Variants in NKAIN2 observed in about 807,000 individuals in gnomAD.
NKAIN2 encodes sodium/potassium-transporting ATPase subunit beta-1-interacting protein 2.
A neutral mutation model predicts 32.6 loss-of-function variants in NKAIN2; 14 were observed. That is an observed-to-expected ratio of 0.43 (90% CI 0.28 to 0.67). The LOEUF is 0.67. NKAIN2 is among the 30% of genes least tolerant of loss of function. The probability of loss-of-function intolerance (pLI) is 0.17; values close to 1 mark genes in which losing one functional copy is unlikely to be tolerated. For missense variants in NKAIN2, 198 were observed against 258.3 expected (o/e 0.77, Z 1.60); for synonymous variants, 80 against 87.2 (o/e 0.92, Z 0.46).
At chr6:123,818,213 C>A (rs1172384841) in intron 1 of NKAIN2, among the ~76,000 whole-genome samples, 2 of 152,012 alleles carry the variant, frequency 1.3e-5, no homozygotes, top group Admixed American at 1.3e-4. Context: ...AGGACAAACA[C>A]GTATTTCTGA....
intron 1 of NKAIN2, among the ~76,000 whole-genome samples, chr6:123,936,000 G>A (rs561104336): frequency 6.6e-6 from 1 of 152,244 alleles, no homozygotes; most frequent in South Asian, 2.1e-4. Context: ...TGACATTTCT[G>A]CACTTGAACA....
chr6:124,686,115 T>C lies in NKAIN2; in HGVS notation c.474+27729T>C, dbSNP rs370904541. Among the ~76,000 whole-genome samples the C allele has an allele frequency of 2.0e-3, 306 of 152,168 alleles. 2 individuals carry two copies. Among genetic ancestry groups the C allele is most frequent in the Middle Eastern group, 0.01 (3 of 294 alleles). On this transcript the variant is annotated intron_variant, in intron 4 of 6. Coordinates refer to ENST00000368417, the MANE Select transcript of NKAIN2 (RefSeq NM_001040214.3). ...TGGTTGGCTGTCAACCAGCAGACTC[T>C]TTCAGCTCCTATAGGCTGCCTGTAG...
chr6:124,470,536 G>A (rs188495598), intron 3 of NKAIN2, among the ~76,000 whole-genome samples: 1 of 152,142 alleles, frequency 6.6e-6, no homozygotes, highest in East Asian at 1.9e-4. Context: ...ACAATTAGGT[G>A]AATGTATTGA....
At chr6:124,278,913 A>G (rs1015248670) in intron 1 of NKAIN2, among the ~76,000 whole-genome samples, 10 of 151,928 alleles carry the variant, frequency 6.6e-5, no homozygotes, top group South Asian at 2.1e-4. Flanking sequence ...TTAAAATGCA[A>G]TGCCTTAATA....
In NKAIN2 at chr6:124,099,198, GTTGA is replaced by G. The variant is rs1374437012; in HGVS notation, c.55-183804_55-183801del. The stretch of plus-strand genomic sequence containing the variant: ...TATGGTTATAGGAATAAGATAATTG[GTTGA>G]TTATCTAATATATGGCATGCCCTTT... On this transcript the variant is annotated intron_variant, in intron 1 of 6. Transcript: ENST00000368417. Among the ~76,000 whole-genome samples the G allele has an allele frequency of 9.2e-5, 14 of 152,258 alleles. No individual in the cohort carries two copies. The South Asian group carries it at 2.7e-3, about 29-fold the overall frequency.
chr6:124,719,642 A>G (rs1327234464), intron 4 of NKAIN2, among the ~76,000 whole-genome samples: 1 of 151,914 alleles, frequency 6.6e-6, no homozygotes, highest in African/African-American at 2.4e-5. Flanking sequence ...TCTGTACCCT[A>G]AACAGCTTTC....
chr6:124,305,356 A>G (rs893123846), intron 2 of NKAIN2, among the ~76,000 whole-genome samples: 1 of 152,154 alleles, frequency 6.6e-6, no homozygotes, highest in East Asian at 1.9e-4. Context: ...GGTCTTGAGA[A>G]TGTAAAGAAG....
At chr6:123,882,786 A>G (rs902735179) in intron 1 of NKAIN2, among the ~76,000 whole-genome samples, 1 of 152,196 alleles carries the variant, frequency 6.6e-6, no homozygotes, top group Non-Finnish European at 1.5e-5. Context: ...CCAGAACCTT[A>G]TAAAAGTTGA....
At chr6:124,399,271 A>G (rs1266259497) in intron 3 of NKAIN2, among the ~76,000 whole-genome samples, 1 of 152,064 alleles carries the variant, frequency 6.6e-6, no homozygotes, top group Non-Finnish European at 1.5e-5. Flanking sequence ...ACTTATTTTC[A>G]AGTTTATGAT....
chr6:123,897,703 T>C (rs1774351367), intron 1 of NKAIN2, among the ~76,000 whole-genome samples: 1 of 152,070 alleles, frequency 6.6e-6, no homozygotes, highest in Non-Finnish European at 1.5e-5. Context: ...TCCTGCTTAC[T>C]ACCAAGCAAT....
intron 1 of NKAIN2, among the ~76,000 whole-genome samples, chr6:123,971,369 C>T (rs892864032): frequency 6.6e-6 from 1 of 151,680 alleles, no homozygotes; most frequent in Non-Finnish European, 1.5e-5. Flanking sequence ...GTAATTATAA[C>T]TGCCTTGTAT....
At chr6:124,758,846 G>A (rs1214680642) in intron 4 of NKAIN2, among the ~76,000 whole-genome samples, 1 of 152,044 alleles carries the variant, frequency 6.6e-6, no homozygotes, top group Non-Finnish European at 1.5e-5. Context: ...TCTATTCTCT[G>A]ACATAAACCC....
chr6:124,394,794 A>T (rs796592397), intron 3 of NKAIN2, among the ~76,000 whole-genome samples: 9 of 152,304 alleles, frequency 5.9e-5, no homozygotes, highest in African/African-American at 2.2e-4. Flanking sequence ...CTATGAATTC[A>T]AATGCTAATC....
intron 3 of NKAIN2, among the ~76,000 whole-genome samples, chr6:124,400,247 T>C: frequency 6.6e-6 from 1 of 151,938 alleles, no homozygotes; most frequent in South Asian, 2.1e-4. Flanking sequence ...ATTTAGGCTA[T>C]GGATTTTTTT....
In NKAIN2 at chr6:124,216,508, CT is replaced by C. The variant is rs375015866; in HGVS notation, c.55-66495del. On this transcript the variant is annotated intron_variant, in intron 1 of 6. Transcript: ENST00000368417. ...GTCAAGCCAAGCAACACTCTGCCTT[CT>C]TCTTTCTGCTCTCAAACTATATACA... 1.2e-4 allele frequency among the ~76,000 whole-genome samples: 19 copies of C among 152,330 alleles called. No homozygotes were observed. In the East Asian group the frequency reaches 2.5e-3, roughly 20 times the overall value.
intron 1 of NKAIN2, among the ~76,000 whole-genome samples, chr6:123,906,216 T>C (rs1774857872): frequency 6.6e-6 from 1 of 152,206 alleles, no homozygotes; most frequent in Non-Finnish European, 1.5e-5. Flanking sequence ...TGATTGACTT[T>C]GGTAAATTAT....
At chr6:124,220,566 G>A (rs1791763051) in intron 1 of NKAIN2, among the ~76,000 whole-genome samples, 1 of 149,490 alleles carries the variant, frequency 6.7e-6, no homozygotes. Flanking sequence ...ATATCTTTGT[G>A]TACATCTTAA....
intron 3 of NKAIN2, among the ~76,000 whole-genome samples, chr6:124,500,253 CT>C (rs1457229375): frequency 6.6e-6 from 1 of 152,146 alleles, no homozygotes; most frequent in Non-Finnish European, 1.5e-5. Flanking sequence ...GCCATTTCAG[CT>C]AACTGTTAAT....
chr6:123,863,996 A>C (rs1207982980), intron 1 of NKAIN2, among the ~76,000 whole-genome samples: 1 of 152,246 alleles, frequency 6.6e-6, no homozygotes, highest in Non-Finnish European at 1.5e-5. Flanking sequence ...ATAAAGATCA[A>C]AATAATCAAA....
Sources: gnomAD v4.1 joint callset for allele counts (sites outside exome capture counted in the v4.1 genomes callset) on GRCh38, gnomAD v4.1.1 for gene constraint, MANE v1.5 for transcripts, NCBI Gene and HGNC (gene_info 2026-07-23, HGNC 2026-07-21) for gene names.